Variants in RHEB observed in about 807,000 individuals in gnomAD.
The protein encoded by RHEB is GTP-binding protein Rheb.
RHEB carries 2 observed loss-of-function variants against 28.8 expected under a neutral mutation model. The observed-to-expected ratio is 0.07, with a 90% confidence interval of 0.03 to 0.22. RHEB has a LOEUF of 0.22. RHEB is among the 10% of genes least tolerant of loss of function. RHEB has a pLI of 1.00. For synonymous variants in RHEB, 69 were observed against 77.3 expected (o/e 0.89, Z 0.56); for missense variants, 76 against 219.9 (o/e 0.35, Z 4.14).
At chr7:151,494,331 G>C (rs1157238016) in intron 1 of RHEB, among the ~76,000 whole-genome samples, 2 of 152,184 alleles carry the variant, frequency 1.3e-5, no homozygotes. Context: ...TGACTTGCGG[G>C]AGTGAAGGGA....
At chr7:151,506,171 A>T (rs897084490) in intron 1 of RHEB, among the ~76,000 whole-genome samples, 2 of 152,076 alleles carry the variant, frequency 1.3e-5, no homozygotes, top group African/African-American at 4.8e-5. Context: ...GATTTTTTTT[A>T]AAAGATAATG....
At chr7:151,517,189 G>A (rs1443445075) in intron 1 of RHEB, among the ~76,000 whole-genome samples, 1 of 152,088 alleles carries the variant, frequency 6.6e-6, no homozygotes, top group Non-Finnish European at 1.5e-5. Context: ...TGGCCAAGTG[G>A]TGAAACCCGT....
chr7:151,506,320 G>T (rs1563100571), intron 1 of RHEB, among the ~76,000 whole-genome samples: 1 of 151,914 alleles, frequency 6.6e-6, no homozygotes, highest in Non-Finnish European at 1.5e-5. Flanking sequence ...AAAGCACTGG[G>T]ATTACAGGTG....
intron 1 of RHEB, among the ~76,000 whole-genome samples, chr7:151,501,298 C>T (rs756372696): frequency 3.9e-5 from 6 of 152,160 alleles, no homozygotes; most frequent in Non-Finnish European, 8.8e-5. Context: ...AGCAAAAGAT[C>T]TGAACACTTT....
intron 1 of RHEB, chr7:151,501,893 A>C: frequency 1.5e-6 from 1 of 688,536 alleles, no homozygotes; most frequent in Non-Finnish European, 2.7e-6. Context: ...GGACGACCCC[A>C]GTGCTGTGGA....
chr7:151,494,749 T>TCTCTCCTCCCTGGGG (rs969530791), intron 1 of RHEB, among the ~76,000 whole-genome samples: 1 of 152,320 alleles, frequency 6.6e-6, no homozygotes, highest in East Asian at 1.9e-4. Context: ...TTCCCTTGGG[T>TCTCTCCTCCCTGGGG]CTCTCCTCCC....
At chr7:151,516,613 A>G (rs1425459725) in intron 1 of RHEB, among the ~76,000 whole-genome samples, 1 of 117,602 alleles carries the variant, frequency 8.5e-6, no homozygotes, top group Admixed American at 9.2e-5. Flanking sequence ...ATAGAGTGAG[A>G]CTCTGTCACA....
chr7:151,510,391 T>G (rs79945814), intron 1 of RHEB, among the ~76,000 whole-genome samples: 2 of 152,260 alleles, frequency 1.3e-5, no homozygotes, highest in Non-Finnish European at 2.9e-5. Context: ...GCAAGTCACA[T>G]AAACTTTTTG....
At chr7:151,473,581 C>T (rs11974292) in intron 4 of RHEB, among the ~76,000 whole-genome samples, 5,117 of 152,202 alleles carry the variant, frequency 0.034, 264 homozygotes, top group African/African-American at 0.12. Context: ...GTTTTACTGA[C>T]GTATTTCTTG....
chr7:151,478,179 GCACGCGC>G (rs1236409299), intron 3 of RHEB, among the ~76,000 whole-genome samples: 1 of 152,162 alleles, frequency 6.6e-6, no homozygotes, highest in Admixed American at 6.5e-5. Flanking sequence ...GTTTTCAACA[GCACGCGC>G]CACTGTCTGG....
At position 151,493,088 on chromosome 7, in the gene RHEB, G is replaced by A. The variant is rs146359264; in HGVS notation, c.53-2074C>T. ...GAACTCCTGACCTCATGATCCACCC[G>A]CCTCGGCCTCCCAAAGTGCTGGGAT... On this transcript the variant is annotated intron_variant, in intron 1 of 7. Transcript: ENST00000262187. 2.8e-3 allele frequency among the ~76,000 whole-genome samples: 423 copies of A among 151,916 alleles called. 3 individuals carry two copies. Among genetic ancestry groups the A allele is most frequent in the African/African-American group, 9.8e-3 (407 of 41,416 alleles).
At chr7:151,495,939 C>G (rs911680293) in intron 1 of RHEB, among the ~76,000 whole-genome samples, 1 of 152,110 alleles carries the variant, frequency 6.6e-6, no homozygotes, top group Non-Finnish European at 1.5e-5. Context: ...GTCTGTCCCC[C>G]CTCCCACCGA....
intron 1 of RHEB, among the ~76,000 whole-genome samples, chr7:151,510,625 C>G (rs1377591511): frequency 6.6e-6 from 1 of 152,158 alleles, no homozygotes; most frequent in Non-Finnish European, 1.5e-5. Context: ...GTGACTGGTA[C>G]AAAGTAGAGC....
At chr7:151,479,534 C>T (rs910426285) in intron 3 of RHEB, among the ~76,000 whole-genome samples, 6 of 151,828 alleles carry the variant, frequency 4.0e-5, no homozygotes, top group South Asian at 2.1e-4. Context: ...TACAAAAAAA[C>T]TAGCTGGGCG....
chr7:151,470,320 T>C (rs569372265), intron 7 of RHEB: 1 of 283,766 alleles, frequency 3.5e-6, no homozygotes, highest in African/African-American at 2.2e-5. Context: ...CAAAAGGTAG[T>C]ATTTCCTTTA....
intron 4 of RHEB, among the ~76,000 whole-genome samples, chr7:151,473,150 G>A (rs1178552023): frequency 2.6e-5 from 4 of 152,206 alleles, no homozygotes; most frequent in Admixed American, 2.6e-4. Flanking sequence ...AAAGGTGATG[G>A]AATGTCCCTT....
At chr7:151,516,381 T>G (rs1803078308) in intron 1 of RHEB, among the ~76,000 whole-genome samples, 1 of 151,918 alleles carries the variant, frequency 6.6e-6, no homozygotes, top group African/African-American at 2.4e-5. Flanking sequence ...TCCCAGCACT[T>G]AGGGAGGCCG....
At chr7:151,467,476 C>G (rs1000350719) in intron 7 of RHEB, among the ~76,000 whole-genome samples, 7 of 152,084 alleles carry the variant, frequency 4.6e-5, no homozygotes, top group African/African-American at 1.7e-4. Context: ...AGTCCTCACT[C>G]CCAGACTCAC....
At chr7:151,493,793 A>G (rs1273637115) in intron 1 of RHEB, among the ~76,000 whole-genome samples, 1 of 152,260 alleles carries the variant, frequency 6.6e-6, no homozygotes, top group Non-Finnish European at 1.5e-5. Context: ...TAGCCTGTAA[A>G]GGAGAATTTA....
Sources: allele counts gnomAD v4.1 joint callset (sites outside exome capture counted in the v4.1 genomes callset), GRCh38; gene constraint gnomAD v4.1.1; transcripts MANE v1.5; gene names NCBI Gene and HGNC (gene_info 2026-07-23, HGNC 2026-07-21).